The following C14orf93 variants were observed in gnomAD, a reference collection of about 807,000 sequenced individuals.
C14orf93 encodes chromosome 14 open reading frame 93, also known as uncharacterized protein C14orf93.
A neutral mutation model predicts 44.0 loss-of-function variants in C14orf93; 23 were observed. The observed-to-expected ratio is 0.52, with a 90% confidence interval of 0.38 to 0.74. The LOEUF is 0.74. Ranked by LOEUF, C14orf93 falls within the 30% of genes least tolerant of loss-of-function variation. C14orf93 has a pLI of 0.00. For missense variants in C14orf93, 579 were observed against 678.9 expected (o/e 0.85, Z 1.64); for synonymous variants, 253 against 265.7 (o/e 0.95, Z 0.46).
intron 3 of C14orf93, among the ~76,000 whole-genome samples, chr14:22,992,324 G>A (rs180843990): frequency 6.6e-6 from 1 of 151,978 alleles, no homozygotes; most frequent in Non-Finnish European, 1.5e-5. Context: ...AAATTAGCCA[G>A]GCGTGGTGGC....
intron 3 of C14orf93, among the ~76,000 whole-genome samples, chr14:22,992,911 GCT>G (rs1449948149): frequency 1.3e-5 from 2 of 151,352 alleles, no homozygotes; most frequent in African/African-American, 4.9e-5. Context: ...ACAGAGTCTT[GCT>G]CTGTTGTCCA....
At chr14:22,993,059 T>C (rs1168922240) in intron 3 of C14orf93, among the ~76,000 whole-genome samples, 1 of 152,206 alleles carries the variant, frequency 6.6e-6, no homozygotes, top group East Asian at 1.9e-4. Context: ...TTTGTATCTT[T>C]AGTAGAGACG....
rs539497319 is a variant in C14orf93 at position 23,007,912 on chromosome 14, A to C, written c.-380+2189T>G. Among the ~76,000 whole-genome samples the C allele has an allele frequency of 2.2e-3, 340 of 152,158 alleles. 1 individual carries two copies. The highest frequency in any genetic ancestry group is 3.8e-3 in the Non-Finnish European group (256 of 67,994). On this transcript the variant is annotated intron_variant, in intron 1 of 6. Coordinates refer to ENST00000299088, the MANE Select transcript of C14orf93 (RefSeq NM_021944.4). ...TCACGCCTGTAATCCCAGCACTTTGAGAGGCAGAGGCGGGCGGATCACCTA... is the reference window on the plus strand; with the variant it reads ...TCACGCCTGTAATCCCAGCACTTTGCGAGGCAGAGGCGGGCGGATCACCTA...
At position 22,998,908 on chromosome 14, in the gene C14orf93, T is replaced by C. The variant is rs200166838; in HGVS notation, c.116A>G (p.Asn39Ser). 9 of 1,613,246 alleles carry C rather than the reference T, an allele frequency of 5.6e-6. No individual in the cohort carries two copies. In the African/African-American group the frequency reaches 1.1e-4, roughly 19 times the overall value. The change falls in exon 2 of 7, where the codon AAT becomes AGT. Residue 39 changes from asparagine (N) to serine (S), a missense_variant. By Grantham distance (46) the Asn-to-Ser change is conservative. Coordinates refer to ENST00000299088, the MANE Select transcript of C14orf93 (RefSeq NM_021944.4). Reference sequence around the variant, plus strand: ...TGTGATGGGGGTGCTGGGAGGAGGATTCCCACCCTGGGAGCCTGTGTTGCC... The same window carrying C: ...TGTGATGGGGGTGCTGGGAGGAGGACTCCCACCCTGGGAGCCTGTGTTGCC... ...NGGNTGSQGG[N>S]PPPSTPITVT...
rs202060343 is a variant in C14orf93 at position 22,999,679 on chromosome 14, A to AT, written c.-379-278dup. Among the ~76,000 whole-genome samples the AT allele has an allele frequency of 2.4e-3, 368 of 151,454 alleles. 1 individual carries two copies. The highest frequency in any genetic ancestry group is 8.4e-3 in the African/African-American group (349 of 41,308). On this transcript the variant is annotated intron_variant, in intron 1 of 6. Transcript: ENST00000299088. Reference sequence around the variant, plus strand: ...ATTGCTACTTTCAATGTAGTGTTGTATTTTTTTTTAACTGATACCACTTTT... The same window carrying AT: ...ATTGCTACTTTCAATGTAGTGTTGTATTTTTTTTTTAACTGATACCACTTTT...
chr14:22,989,893 C>G lies in C14orf93; in HGVS notation c.981-48G>C, dbSNP rs537824012. 4.5e-6 allele frequency: 7 copies of G among 1,541,644 alleles called. No individual in the cohort carries two copies. The South Asian group carries it at 7.8e-5, about 17-fold the overall frequency. ...AATAAAGTTGTCGGCTTTGTAAGAGCCAGACAAACAGAGATACCCAGCACT... is the reference window on the plus strand; with the variant it reads ...AATAAAGTTGTCGGCTTTGTAAGAGGCAGACAAACAGAGATACCCAGCACT... On this transcript the variant is annotated intron_variant, in intron 4 of 6. Coordinates refer to ENST00000299088, the MANE Select transcript of C14orf93 (RefSeq NM_021944.4).
At chr14:22,991,229 A>G (rs1326252260) in intron 3 of C14orf93, among the ~76,000 whole-genome samples, 1 of 149,134 alleles carries the variant, frequency 6.7e-6, no homozygotes, top group African/African-American at 2.5e-5. Flanking sequence ...GAGTGCACTC[A>G]TTAAAAAGTT....
intron 1 of C14orf93, chr14:23,007,212 T>A (rs556758639): frequency 6.6e-6 from 1 of 152,202 alleles, no homozygotes; most frequent in Non-Finnish European, 1.5e-5. Flanking sequence ...TGATTGGCGG[T>A]TAGACGATGG....
chr14:23,001,965 A>T (rs1438158122), intron 1 of C14orf93, among the ~76,000 whole-genome samples: 2 of 151,030 alleles, frequency 1.3e-5, no homozygotes, highest in African/African-American at 4.9e-5. Flanking sequence ...TGGCTAACAC[A>T]GTGAAACCCC....
intron 3 of C14orf93, among the ~76,000 whole-genome samples, chr14:22,991,919 G>A (rs752657404): frequency 1.3e-5 from 2 of 152,190 alleles, no homozygotes; most frequent in Non-Finnish European, 2.9e-5. Flanking sequence ...AAAGCCCCGG[G>A]TTTGTCTGTG....
At position 22,987,924 on chromosome 14, in the gene C14orf93, TTTC is replaced by T. The variant is rs1199176233; in HGVS notation, c.1173_1175del (p.Lys392del). On this transcript the variant is annotated inframe_deletion, in exon 6 of 7. Transcript: ENST00000299088. This position sits in a 1 kb window ranked among gnomAD's most constrained non-coding sequence, Gnocchi z 5.6. The stretch of plus-strand genomic sequence containing the variant: ...CTACCCGATATCGGCGACTTCGAAG[TTTC>T]TTCTCCTCTTTTTCCTTCAGGCCTT... The T allele has an allele frequency of 6.2e-7, 1 of 1,613,750 alleles. No homozygotes were observed. Among genetic ancestry groups the T allele is most frequent in the Admixed American group, 1.7e-5 (1 of 59,990 alleles).
At chr14:22,998,257 G>T (rs995060740) in intron 2 of C14orf93, 170 bp downstream of exon 2, 3 of 1,016,280 alleles carry the variant, frequency 3.0e-6, no homozygotes, top group Non-Finnish European at 4.0e-6. Flanking sequence ...GATGGTTCAG[G>T]AAGAAAATAG....
rs73596463 is a variant in C14orf93, at chr14:23,008,626, G to A, written c.-380+1475C>T. 6.4e-3 allele frequency among the ~76,000 whole-genome samples: 980 copies of A among 152,100 alleles called. 14 individuals carry two copies. Among genetic ancestry groups the A allele is most frequent in the African/African-American group, 0.022 (909 of 41,484 alleles). On this transcript the variant is annotated intron_variant, in intron 1 of 6. Coordinates refer to ENST00000299088, the MANE Select transcript of C14orf93 (RefSeq NM_021944.4). ...ACTCCAATCTGCGAATACAAATTTG[G>A]ATACAGATATTTTCCATACAACTTC...
chr14:22,989,875 T>G (rs754443034), intron 4 of C14orf93, 30 bp from the exon 5 acceptor site: 2 of 1,588,928 alleles, frequency 1.3e-6, no homozygotes, highest in East Asian at 4.5e-5. Flanking sequence ...ATGAATAAAG[T>G]TGTCGGCTTT....
At chr14:23,004,928 T>C (rs1178233362) in intron 1 of C14orf93, 8 of 152,092 alleles carry the variant, frequency 5.3e-5, no homozygotes, top group Admixed American at 1.3e-4. Context: ...CAAAAATAAA[T>C]AAACAAACAA....
intron 3 of C14orf93, 140 bp downstream of exon 3, chr14:22,995,808 C>A (rs1399659195): frequency 2.9e-6 from 2 of 697,986 alleles, no homozygotes; most frequent in Non-Finnish European, 4.2e-6. Flanking sequence ...TACAGAATAA[C>A]CTCTCTCCTT....
rs2046171432 is a variant in C14orf93 at position 22,999,203 on chromosome 14, G to A, written c.-180C>T. ...GCCATGAAGAAGCACACAGTCCATGGCGGCCTCTCCTCGGCCTGCAGAAGG... is the reference window on the plus strand; with the variant it reads ...GCCATGAAGAAGCACACAGTCCATGACGGCCTCTCCTCGGCCTGCAGAAGG... On this transcript the variant is annotated 5_prime_UTR_variant, in exon 2 of 7. Transcript: ENST00000299088. 3.1e-6 allele frequency: 3 copies of A among 972,726 alleles called. No homozygotes were observed. Among genetic ancestry groups the A allele is most frequent in the Non-Finnish European group, 4.4e-6 (3 of 685,652 alleles). The allele number at this position is 972,726 out of a possible 1,614,324, so 60.3% of individuals were successfully genotyped here.
chr14:22,998,832 A>G lies in C14orf93; in HGVS notation c.192T>C (p.Val64=), dbSNP rs1302503427. Residue 64 remains valine, a synonymous_variant, in exon 2 of 7, where the codon GTT becomes GTC. Transcript: ENST00000299088. The part of the protein sequence containing the change: ...AVQSSEQLLH[V]IYQRVDKAVG... Reference sequence around the variant, plus strand: ...CTGCCTTATCGACCCGCTGGTAGATAACATGCAGGAGCTGCTCTGAGCTCT... The same window carrying G: ...CTGCCTTATCGACCCGCTGGTAGATGACATGCAGGAGCTGCTCTGAGCTCT... 1 of 1,614,068 alleles carries G rather than the reference A, an allele frequency of 6.2e-7. No individual in the cohort carries two copies. The highest frequency in any genetic ancestry group is 1.3e-5 in the African/African-American group (1 of 74,930).
rs1225382368 is a variant in C14orf93 at position 22,998,950 on chromosome 14, T to C, written c.74A>G (p.Lys25Arg). The change falls in exon 2 of 7, where the codon AAG becomes AGG. Residue 25 changes from lysine to arginine, a missense_variant. Transcript: ENST00000299088. ...TGTGTTGCCTCCATTAGTCTCACTC[T>C]TACAGGCGCAGCAGCAGCATCTGGC... is the stretch of plus-strand genomic sequence containing the variant. ...SEARCCCCAC[K>R]SETNGGNTGS... 2 of 1,613,808 alleles carry C rather than the reference T, an allele frequency of 1.2e-6. No individual in the cohort carries two copies. Among genetic ancestry groups the C allele is most frequent in the Admixed American group, 1.7e-5 (1 of 59,994 alleles).
Sources: gnomAD v4.1 joint callset for allele counts (sites outside exome capture counted in the v4.1 genomes callset) on GRCh38, gnomAD v4.1.1 for gene constraint, Gnocchi (gnomAD v3.1) non-coding constraint, MANE v1.5 for transcripts, NCBI Gene and HGNC (gene_info 2026-07-23, HGNC 2026-07-21) for gene names.